The following B3GALT1 variants were observed in gnomAD, a reference collection of about 807,000 sequenced individuals.
B3GALT1 encodes UDP-Gal:betaGlcNAc beta 1,3-galactosyltransferase, polypeptide 1.
In B3GALT1, 10 loss-of-function variants were observed where a neutral mutation model predicts 23.2. That is an observed-to-expected ratio of 0.43 (90% CI 0.27 to 0.73). B3GALT1 has a LOEUF of 0.73. B3GALT1 is among the 30% of genes least tolerant of loss of function. The pLI, the probability that B3GALT1 is intolerant of heterozygous loss-of-function variation, is 0.21. For missense variants in B3GALT1, 299 were observed against 405.4 expected (o/e 0.74, Z 2.25); for synonymous variants, 156 against 141.5 (o/e 1.10, Z -0.73).
chr2:167,687,662 C>T (rs1686639139), intron 3 of B3GALT1, among the ~76,000 whole-genome samples: 1 of 151,896 alleles, frequency 6.6e-6, no homozygotes, highest in Non-Finnish European at 1.5e-5. Flanking sequence ...AACAAATATG[C>T]TTCCTTACAA....
chr2:167,482,664 A>G (rs567051974), intron 1 of B3GALT1, among the ~76,000 whole-genome samples: 1 of 152,266 alleles, frequency 6.6e-6, no homozygotes, highest in East Asian at 1.9e-4. Flanking sequence ...ACACAGTGAA[A>G]CCCTGACTCT....
intron 2 of B3GALT1, among the ~76,000 whole-genome samples, chr2:167,520,354 A>C (rs1338800535): frequency 6.6e-6 from 1 of 152,248 alleles, no homozygotes; most frequent in African/African-American, 2.4e-5. Flanking sequence ...AAGAAGCCAA[A>C]TCAGGACTGT....
chr2:167,721,878 C>G (rs1687242311), intron 3 of B3GALT1, among the ~76,000 whole-genome samples: 1 of 152,226 alleles, frequency 6.6e-6, no homozygotes, highest in African/African-American at 2.4e-5. Flanking sequence ...CAGTCAGGGA[C>G]TGGCATTTGC....
intron 3 of B3GALT1, among the ~76,000 whole-genome samples, chr2:167,683,831 G>T (rs151083704): frequency 1.1e-4 from 16 of 152,286 alleles, no homozygotes; most frequent in African/African-American, 3.8e-4. Context: ...TGTTTCGAAA[G>T]AACTTAGGAG....
At position 167,572,184 on chromosome 2, in the gene B3GALT1, C is replaced by T. The variant is rs56145181; in HGVS notation, c.-409-74725C>T. The stretch of plus-strand genomic sequence containing the variant: ...AGTCATTTCATTTACATTATTAATA[C>T]ATACAGGCTATTCATGTAGTATTCT... On this transcript the variant is annotated intron_variant, in intron 2 of 4. Transcript: ENST00000392690. 3.4e-3 allele frequency among the ~76,000 whole-genome samples: 521 copies of T among 151,894 alleles called. 1 individual carries two copies. The highest frequency in any genetic ancestry group is 5.5e-3 in the Non-Finnish European group (372 of 67,806).
chr2:167,802,851 G>A (rs1361523070), intron 3 of B3GALT1, among the ~76,000 whole-genome samples: 1 of 151,568 alleles, frequency 6.6e-6, no homozygotes, highest in African/African-American at 2.4e-5. Context: ...TTTTTTAATC[G>A]GTGGATTGAA....
chr2:167,528,860 C>T (rs1003069606), intron 2 of B3GALT1, among the ~76,000 whole-genome samples: 2 of 152,098 alleles, frequency 1.3e-5, no homozygotes, highest in African/African-American at 4.8e-5. Flanking sequence ...TAGGAGGTCT[C>T]CTGTTTCCCA....
chr2:167,441,477 G>T (rs1009397911), intron 1 of B3GALT1, among the ~76,000 whole-genome samples: 5 of 151,922 alleles, frequency 3.3e-5, no homozygotes, highest in Non-Finnish European at 5.9e-5. Flanking sequence ...CTCATTTTTT[G>T]GCAATCCTGT....
intron 3 of B3GALT1, among the ~76,000 whole-genome samples, chr2:167,717,382 G>A (rs1160279327): frequency 2.0e-5 from 3 of 151,198 alleles, no homozygotes; most frequent in Non-Finnish European, 3.0e-5. Context: ...GTTGGTGTGC[G>A]GCACCCATTA....
At chr2:167,482,253 G>A (rs529126542) in intron 1 of B3GALT1, among the ~76,000 whole-genome samples, 2 of 152,256 alleles carry the variant, frequency 1.3e-5, no homozygotes, top group Non-Finnish European at 2.9e-5. Flanking sequence ...CTGAAGAGAT[G>A]AATCATATTT....
chr2:167,781,151 T>G (rs1688239042), intron 3 of B3GALT1, among the ~76,000 whole-genome samples: 1 of 152,182 alleles, frequency 6.6e-6, no homozygotes, highest in Non-Finnish European at 1.5e-5. Context: ...ATAAGAAAGT[T>G]TATTGGTCAT....
At chr2:167,720,202 C>G (rs73971235) in intron 3 of B3GALT1, among the ~76,000 whole-genome samples, 1 of 152,170 alleles carries the variant, frequency 6.6e-6, no homozygotes, top group East Asian at 1.9e-4. Context: ...TCAACATTTT[C>G]TACGTAGGAA....
intron 1 of B3GALT1, among the ~76,000 whole-genome samples, chr2:167,299,683 G>T (rs1397079958): frequency 6.6e-6 from 1 of 151,926 alleles, no homozygotes; most frequent in Non-Finnish European, 1.5e-5. Flanking sequence ...TTTCCTTTAT[G>T]CAAAGAAATA....
chr2:167,540,381 G>T (rs1051213210), intron 2 of B3GALT1, among the ~76,000 whole-genome samples: 1 of 152,076 alleles, frequency 6.6e-6, no homozygotes, highest in Non-Finnish European at 1.5e-5. Context: ...CACAACTACT[G>T]AATTAGAATT....
At chr2:167,735,400 CA>C (rs1466656021) in intron 3 of B3GALT1, among the ~76,000 whole-genome samples, 1 of 152,212 alleles carries the variant, frequency 6.6e-6, no homozygotes, top group African/African-American at 2.4e-5. Context: ...CCTGCTTCTA[CA>C]GCAGCTAAAC....
chr2:167,521,485 C>T (rs1378999244), intron 2 of B3GALT1, among the ~76,000 whole-genome samples: 1 of 151,990 alleles, frequency 6.6e-6, no homozygotes, highest in Non-Finnish European at 1.5e-5. Flanking sequence ...AACTACTATC[C>T]AAATCTTGGA....
intron 3 of B3GALT1, among the ~76,000 whole-genome samples, chr2:167,719,428 A>G (rs1459308751): frequency 6.6e-6 from 1 of 152,270 alleles, no homozygotes; most frequent in Non-Finnish European, 1.5e-5. Context: ...CTCTTTTTGC[A>G]CTAAAGTTTA....
At chr2:167,350,257 C>G (rs913370880) in intron 1 of B3GALT1, among the ~76,000 whole-genome samples, 5 of 152,146 alleles carry the variant, frequency 3.3e-5, no homozygotes, top group African/African-American at 9.7e-5. Flanking sequence ...ACAGTTTGTT[C>G]ATCATTTGAA....
intron 2 of B3GALT1, among the ~76,000 whole-genome samples, chr2:167,601,835 A>G (rs1323952986): frequency 6.6e-6 from 1 of 152,248 alleles, no homozygotes; most frequent in African/African-American, 2.4e-5. Flanking sequence ...TCACTTCAAC[A>G]TAGACACACT....
Sources: gnomAD v4.1 joint callset for allele counts (sites outside exome capture counted in the v4.1 genomes callset) on GRCh38, gnomAD v4.1.1 for gene constraint, MANE v1.5 for transcripts, NCBI Gene and HGNC (gene_info 2026-07-23, HGNC 2026-07-21) for gene names.